The following AGMO variants were observed in gnomAD, a reference collection of about 807,000 sequenced individuals.
The protein encoded by AGMO is alkylglycerol monooxygenase, also known as glyceryl-ether monooxygenase.
In AGMO, 75 loss-of-function variants were observed where a neutral mutation model predicts 60.2. That is an observed-to-expected ratio of 1.25 (90% CI 1.03 to 1.51). The LOEUF is 1.51. AGMO is among the 40% of genes most tolerant of loss of function. The pLI, the probability that AGMO is intolerant of heterozygous loss-of-function variation, is 0.00. For missense variants in AGMO, 763 were observed against 525.5 expected, an observed-to-expected ratio of 1.45 and a Z score of -4.42; for synonymous variants, 261 against 177.1, an observed-to-expected ratio of 1.47 and a Z score of -3.76.
chr7:15,416,182 C>T (rs1054531054), intron 5 of AGMO, among the ~76,000 whole-genome samples: 16 of 151,724 alleles, frequency 1.1e-4, no homozygotes, highest in Admixed American at 2.0e-4. Context: ...TACAGGCACG[C>T]ACCACCACAC....
At chr7:15,428,375 C>G (rs1781129775) in intron 4 of AGMO, among the ~76,000 whole-genome samples, 1 of 152,176 alleles carries the variant, frequency 6.6e-6, no homozygotes, top group Admixed American at 6.5e-5. Flanking sequence ...AAATATTTAG[C>G]AGCTTGTCAT....
chr7:15,154,926 C>T, the AGMO span, among the ~76,000 whole-genome samples: 1 of 152,116 alleles, frequency 6.6e-6, no homozygotes, highest in Non-Finnish European at 1.5e-5. Context: ...ATATAGGCTT[C>T]TAATATCTTC....
In AGMO at chr7:15,391,029, G is replaced by C. The variant is rs146086359; in HGVS notation, c.677-124C>G. On this transcript the variant is annotated intron_variant, in intron 6 of 12. Coordinates refer to ENST00000342526, the MANE Select transcript of AGMO (RefSeq NM_001004320.2). The stretch of plus-strand genomic sequence containing the variant: ...TTTAAACAGGGTACAATTTCCCTGG[G>C]AATGTCTTCTCATTTATAACATCAG... The C allele has an allele frequency of 1.4e-4, 82 of 593,152 alleles. No individual in the cohort carries two copies. The African/African-American group carries it at 1.4e-3, about 10-fold the overall frequency. The allele number at this position is 593,152 out of a possible 1,614,324, so 36.7% of individuals were successfully genotyped here. A position where few individuals can be genotyped will look rare whatever the true frequency, so the allele number is the denominator to read the frequency against.
At chr7:15,347,529 G>A (rs930772915) in intron 12 of AGMO, among the ~76,000 whole-genome samples, 2 of 151,882 alleles carry the variant, frequency 1.3e-5, no homozygotes, top group Admixed American at 6.6e-5. Context: ...CCTACTTGAT[G>A]TCTTATAGCT....
chr7:15,321,023 A>G (rs1344249819), intron 12 of AGMO, among the ~76,000 whole-genome samples: 1 of 152,194 alleles, frequency 6.6e-6, no homozygotes, highest in African/African-American at 2.4e-5. Flanking sequence ...ATACACAGAC[A>G]GAGACAGAAA....
chr7:15,165,351 A>T, the AGMO span, among the ~76,000 whole-genome samples: 4 of 152,174 alleles, frequency 2.6e-5, no homozygotes, highest in Admixed American at 2.6e-4. Context: ...TCCATGTAAC[A>T]TACCTGCACA....
the AGMO span, among the ~76,000 whole-genome samples, chr7:15,136,494 ATT>A: frequency 6.6e-6 from 1 of 150,706 alleles, no homozygotes; most frequent in African/African-American, 2.4e-5. Context: ...TAACATCTGT[ATT>A]TTTTTTTTAA....
chr7:15,209,904 T>TA (rs1781539446), intron 12 of AGMO, among the ~76,000 whole-genome samples: 1 of 152,118 alleles, frequency 6.6e-6, no homozygotes, highest in Admixed American at 6.6e-5. Context: ...GACTTGGCAA[T>TA]ATAGGTACTG....
the AGMO span, among the ~76,000 whole-genome samples, chr7:15,158,761 A>C: frequency 6.6e-6 from 1 of 152,142 alleles, no homozygotes; most frequent in Non-Finnish European, 1.5e-5. Context: ...CTCTGAATTA[A>C]ATTTTAATCT....
intron 10 of AGMO, among the ~76,000 whole-genome samples, chr7:15,375,043 T>C (rs912395565): frequency 6.6e-6 from 1 of 152,040 alleles, no homozygotes; most frequent in African/African-American, 2.4e-5. Context: ...ATTCACTAAG[T>C]AGAGAACACC....
the AGMO span, among the ~76,000 whole-genome samples, chr7:15,148,472 C>A: frequency 6.6e-6 from 1 of 152,072 alleles, no homozygotes; most frequent in Non-Finnish European, 1.5e-5. Flanking sequence ...TTTTGACCCT[C>A]ATCCTCCTCC....
chr7:15,178,281 C>G, the AGMO span, among the ~76,000 whole-genome samples: 2 of 152,190 alleles, frequency 1.3e-5, no homozygotes, highest in African/African-American at 4.8e-5. Flanking sequence ...ATTCTAACTA[C>G]TGACTTCATT....
At chr7:15,287,461 T>A (rs1021335237) in intron 12 of AGMO, among the ~76,000 whole-genome samples, 1 of 152,210 alleles carries the variant, frequency 6.6e-6, no homozygotes, top group South Asian at 2.1e-4. Context: ...ACTCTGAACT[T>A]CTCTATTTGG....
the AGMO span, among the ~76,000 whole-genome samples, chr7:15,169,792 C>T: frequency 6.6e-6 from 1 of 152,178 alleles, no homozygotes; most frequent in African/African-American, 2.4e-5. Flanking sequence ...AATGTGATCA[C>T]CAAGTCCCAT....
the AGMO span, among the ~76,000 whole-genome samples, chr7:15,133,080 T>C: frequency 6.6e-6 from 1 of 152,194 alleles, no homozygotes; most frequent in African/African-American, 2.4e-5. Flanking sequence ...AAATTGAGCA[T>C]TTCTTGTAAC....
intron 12 of AGMO, among the ~76,000 whole-genome samples, chr7:15,294,567 G>A (rs879633327): frequency 6.6e-6 from 1 of 151,786 alleles, no homozygotes; most frequent in Admixed American, 6.6e-5. Flanking sequence ...ATTTTTAAAG[G>A]TCTTAAAATA....
At chr7:15,384,764 G>T (rs1583487618) in intron 10 of AGMO, among the ~76,000 whole-genome samples, 1 of 145,198 alleles carries the variant, frequency 6.9e-6, no homozygotes, top group Admixed American at 6.9e-5. Context: ...TTGATCTACT[G>T]TAAATTTTTA....
chr7:15,185,537 G>A, the AGMO span, among the ~76,000 whole-genome samples: 1 of 152,294 alleles, frequency 6.6e-6, no homozygotes, highest in African/African-American at 2.4e-5. Flanking sequence ...AGGATAAGTG[G>A]TTCTTTCATG....
At chr7:15,265,985 T>C (rs1419813563) in intron 12 of AGMO, among the ~76,000 whole-genome samples, 1 of 152,098 alleles carries the variant, frequency 6.6e-6, no homozygotes, top group South Asian at 2.1e-4. Context: ...TGCTACAATA[T>C]GGATGACCCT....
Sources: gnomAD v4.1 joint callset for allele counts (sites outside exome capture counted in the v4.1 genomes callset) on GRCh38, gnomAD v4.1.1 for gene constraint, MANE v1.5 for transcripts, NCBI Gene and HGNC (gene_info 2026-07-23, HGNC 2026-07-21) for gene names.